ARRB2: variants seen among roughly 807,000 people sequenced by gnomAD.
ARRB2 encodes the protein arrestin beta 2.
Under a neutral mutation model 53.4 loss-of-function variants are expected in ARRB2, and 21 were observed. The observed-to-expected ratio is 0.39, with a 90% CI of 0.28 to 0.57. The LOEUF is 0.57. Ranked by LOEUF, ARRB2 falls within the 20% of genes least tolerant of loss-of-function variation. The pLI is 0.55. For synonymous variants in ARRB2, 180 were observed against 212.9 expected (o/e 0.85, Z 1.34); for missense variants, 369 against 527.5 (o/e 0.70, Z 2.94).
chr17:4,718,082 C>T (rs1041459962), intron 8 of ARRB2, 59 bp downstream of exon 8: 31 of 1,603,986 alleles, frequency 1.9e-5, no homozygotes, highest in East Asian at 1.6e-4. Context: ...GGGGGAGGGG[C>T]GAAGCCACAC....
chr17:4,718,449 C>A, intron 9 of ARRB2, 104 bp downstream of exon 9: 1 of 1,362,468 alleles, frequency 7.3e-7, no homozygotes, highest in Non-Finnish European at 1.0e-6. Context: ...GGGAGACCCA[C>A]CAGGGCTCAA....
At chr17:4,716,820 A>G in intron 5 of ARRB2, 1 of 858,698 alleles carries the variant, frequency 1.2e-6, no homozygotes, top group Non-Finnish European at 1.7e-6. Context: ...CATCCCCAGG[A>G]GTCCTTTCTC....
At chr17:4,711,350 G>A (rs1430587044) in intron 1 of ARRB2, among the ~76,000 whole-genome samples, 1 of 152,072 alleles carries the variant, frequency 6.6e-6, no homozygotes. Flanking sequence ...CCCTGGGCGC[G>A]CGTCCACTCC....
rs535424142 is a variant in ARRB2, at chr17:4,719,575, G to T, written c.917+155G>T. Among the ~76,000 whole-genome samples, 9 of 152,272 alleles carry T rather than the reference G, an allele frequency of 5.9e-5. No homozygotes were observed. The South Asian group carries it at 1.9e-3, about 32-fold the overall frequency. On this transcript the variant is annotated intron_variant, in intron 11 of 14. Transcript: ENST00000269260. Reference sequence around the variant, plus strand: ...GGAGGATAGCCAAATCTGATCAGTGGTCACTGTACAGCAGGTTTAGTGACA... The same window carrying T: ...GGAGGATAGCCAAATCTGATCAGTGTTCACTGTACAGCAGGTTTAGTGACA...
At chr17:4,715,568 G>GACAC (rs112527658) in intron 2 of ARRB2, 29,968 of 219,848 alleles carry the variant, frequency 0.14, 1,755 homozygotes, top group Middle Eastern at 0.19. Flanking sequence ...CACACACACG[G>GACAC]ACACACACAC....
rs766871246 is a variant in ARRB2, at chr17:4,716,002, C to T, written c.84C>T (p.Phe28=). Residue 28 remains phenylalanine (F), a synonymous_variant, in exon 3 of 15, where the codon TTC becomes TTT. Coordinates refer to ENST00000269260, the MANE Select transcript of ARRB2 (RefSeq NM_004313.4). ...KLTVYLGKRD[F]VDHLDKVDPV... is the part of the protein sequence containing the mutation. ...CCGTGTACTTGGGCAAGCGGGACTT[C>T]GTAGATCACCTGGACAAAGTGGACC... 1.9e-6 allele frequency: 3 copies of T among 1,614,174 alleles called. No individual in the cohort carries two copies. Among genetic ancestry groups the T allele is most frequent in the Admixed American group, 3.3e-5 (2 of 60,026 alleles).
chr17:4,719,642 G>A (rs1322703507), intron 11 of ARRB2, among the ~76,000 whole-genome samples: 1 of 152,144 alleles, frequency 6.6e-6, no homozygotes, highest in Non-Finnish European at 1.5e-5. Context: ...GAAGGGATGG[G>A]GGGCAGTGAG....
intron 8 of ARRB2, 82 bp downstream of exon 8, chr17:4,718,105 T>C: frequency 1.3e-6 from 2 of 1,591,530 alleles, no homozygotes; most frequent in South Asian, 2.2e-5. Context: ...CAAGAGGACA[T>C]TTGTAAAGGA....
intron 12 of ARRB2, 39 bp downstream of exon 12, chr17:4,720,338 G>C (rs761269301): frequency 6.2e-7 from 1 of 1,613,792 alleles, no homozygotes. Flanking sequence ...GGTCACACTG[G>C]CTCTCTCTAG....
At chr17:4,714,877 C>T (rs1914780389) in intron 1 of ARRB2, 136 bp from the exon 2 acceptor site, 1 of 837,644 alleles carries the variant, frequency 1.2e-6, no homozygotes, top group South Asian at 1.9e-5. Context: ...AGGGGCAGAG[C>T]TGGGCAAAGC....
chr17:4,716,666 G>A, intron 5 of ARRB2, 58 bp downstream of exon 5: 1 of 1,535,440 alleles, frequency 6.5e-7, no homozygotes, highest in Non-Finnish European at 8.7e-7. Context: ...TGTGTCTGGG[G>A]TGGGGGTAAG....
chr17:4,718,795 T>TTGAGA, intron 10 of ARRB2, 111 bp downstream of exon 10: 1 of 1,253,804 alleles, frequency 8.0e-7, no homozygotes, highest in Non-Finnish European at 1.1e-6. Context: ...TTTTTTTTTT[T>TTGAGA]TTGAGATGGA....
rs537593993 is a variant in ARRB2 at position 4,714,869 on chromosome 17, G to T, written c.24-144G>T. On this transcript the variant is annotated intron_variant, in intron 1 of 14. Transcript: ENST00000269260. ...GGACCTTCCGGGAAGAAGGGGAAAG[G>T]GGCAGAGCTGGGCAAAGCCCCACAG... 4.3e-4 allele frequency: 311 copies of T among 724,670 alleles called. 3 individuals are homozygous for T. In the East Asian group the frequency reaches 9.4e-3, roughly 22 times the overall value. The allele number at this position is 724,670 out of a possible 1,614,324, so 44.9% of individuals were successfully genotyped here.
rs1597485301 is a variant in ARRB2, at chr17:4,718,670, T to C, written c.765T>C (p.Ala255=). The stretch of plus-strand genomic sequence containing the variant: ...CCGCCCAGTACAAGTGTCCTGTGGC[T>C]CAACTCGAACAAGAGTGAGTATCGG... ...FSTAQYKCPV[A]QLEQDDQVSP... is the part of the protein sequence containing the mutation. The change falls in exon 10 of 15, where the codon GCT becomes GCC. Residue 255 remains alanine (A), a synonymous_variant. Transcript: ENST00000269260. 1.1e-5 allele frequency: 17 copies of C among 1,613,626 alleles called. No homozygotes were observed. Among genetic ancestry groups the C allele is most frequent in the Non-Finnish European group, 1.4e-5 (17 of 1,179,906 alleles).
At chr17:4,712,325 C>G (rs1914492249) in intron 1 of ARRB2, among the ~76,000 whole-genome samples, 1 of 152,232 alleles carries the variant, frequency 6.6e-6, no homozygotes, top group Non-Finnish European at 1.5e-5. Flanking sequence ...AACCTTTGGA[C>G]AGCTTGGCTT....
At chr17:4,718,874 C>T (rs1006877215) in intron 10 of ARRB2, among the ~76,000 whole-genome samples, 190 bp downstream of exon 10, 6 of 151,770 alleles carry the variant, frequency 4.0e-5, no homozygotes, top group African/African-American at 9.7e-5. Context: ...CTCCACCTCC[C>T]GGGTTCAAGC....
At chr17:4,711,089 G>T (rs1914350006) in intron 1 of ARRB2, among the ~76,000 whole-genome samples, 1 of 152,010 alleles carries the variant, frequency 6.6e-6, no homozygotes, top group Non-Finnish European at 1.5e-5. Flanking sequence ...GTACGGGGAG[G>T]CTGGATGCCG....
At chr17:4,711,176 C>G (rs2150579048) in intron 1 of ARRB2, among the ~76,000 whole-genome samples, 1 of 152,214 alleles carries the variant, frequency 6.6e-6, no homozygotes, top group East Asian at 1.9e-4. Context: ...GGTAGTCGCG[C>G]TGCCCACACC....
In ARRB2 at chr17:4,720,841, C is replaced by T. The variant is rs535055107; in HGVS notation, c.1137-105C>T. 43 of 1,245,532 alleles carry T rather than the reference C, an allele frequency of 3.5e-5. No homozygotes were observed. In the South Asian group the frequency reaches 4.9e-4, roughly 14 times the overall value. 77.2% of individuals were successfully genotyped at this position (1,245,532 alleles called of 1,614,324 possible). A position where few individuals can be genotyped will look rare whatever the true frequency, so the allele number is the denominator to read the frequency against. On this transcript the variant is annotated intron_variant, in intron 14 of 14. Coordinates refer to ENST00000269260, the MANE Select transcript of ARRB2 (RefSeq NM_004313.4). ...AAATACCTCTGGTCCCACTGCTGTT[C>T]GAACGCCTCTGTCCCAGAGGCCTAG...
Sources: gnomAD v4.1 joint callset for allele counts (sites outside exome capture counted in the v4.1 genomes callset) on GRCh38, gnomAD v4.1.1 for gene constraint, MANE v1.5 for transcripts, NCBI Gene and HGNC (gene_info 2026-07-23, HGNC 2026-07-21) for gene names.